The following MED12L variants were observed in gnomAD, a reference collection of about 807,000 sequenced individuals.
MED12L encodes mediator complex subunit 12L.
MED12L carries 60 observed loss-of-function variants against 281.3 expected under a neutral mutation model. The observed-to-expected ratio is 0.21, with a 90% CI of 0.17 to 0.26. MED12L has a LOEUF of 0.26. MED12L is among the 10% of genes least tolerant of loss of function. MED12L has a pLI of 1.00. For missense variants in MED12L, 2,146 were observed against 2,680.9 expected, an observed-to-expected ratio of 0.80 and a Z score of 4.41; for synonymous variants, 974 against 987.2, an observed-to-expected ratio of 0.99 and a Z score of 0.25.
chr3:151,410,813 G>A (rs1462009943), intron 40 of MED12L, among the ~76,000 whole-genome samples: 4 of 152,208 alleles, frequency 2.6e-5, no homozygotes, highest in African/African-American at 9.6e-5. Flanking sequence ...CTGAAGAGGT[G>A]TAGTCACATA....
intron 5 of MED12L, among the ~76,000 whole-genome samples, chr3:151,138,870 A>G (rs1403646204): frequency 6.6e-6 from 1 of 152,144 alleles, no homozygotes; most frequent in Non-Finnish European, 1.5e-5. Flanking sequence ...CTTTGGAAGG[A>G]AGTAATATGG....
intron 36 of MED12L, among the ~76,000 whole-genome samples, chr3:151,385,721 G>GAAA (rs34514758): frequency 1.7e-5 from 2 of 118,742 alleles, no homozygotes; most frequent in African/African-American, 2.6e-5. Flanking sequence ...TCTGGGGGGG[G>GAAA]AAAAAAAAAA....
intron 11 of MED12L, 78 bp from the exon 12 acceptor site, chr3:151,185,252 T>C (rs935374276): frequency 2.3e-5 from 33 of 1,440,634 alleles, no homozygotes; most frequent in Non-Finnish European, 2.9e-5. Context: ...TGTTAGATAT[T>C]CCCTTGCTTG....
chr3:151,418,619 G>A (rs1044386749), intron 43 of MED12L, among the ~76,000 whole-genome samples: 2 of 152,132 alleles, frequency 1.3e-5, no homozygotes, highest in Non-Finnish European at 2.9e-5. Flanking sequence ...TTCAGTGTAT[G>A]GCATTAGGAT....
At chr3:151,322,352 A>T (rs933014005) in intron 16 of MED12L, among the ~76,000 whole-genome samples, 3 of 149,878 alleles carry the variant, frequency 2.0e-5, no homozygotes, top group African/African-American at 7.4e-5. Flanking sequence ...GGCCCAGGTA[A>T]TTTTTTTTTT....
chr3:151,342,812 G>A (rs1355712274), intron 16 of MED12L, among the ~76,000 whole-genome samples: 4 of 152,168 alleles, frequency 2.6e-5, no homozygotes, highest in Non-Finnish European at 4.4e-5. Context: ...ATTTTAAAAA[G>A]AGCTTTTATG....
At chr3:151,367,351 C>T (rs547350061) in intron 23 of MED12L, among the ~76,000 whole-genome samples, 10 of 152,248 alleles carry the variant, frequency 6.6e-5, no homozygotes, top group Non-Finnish European at 1.2e-4. Flanking sequence ...GATGTTACAT[C>T]TTGTAGTGAT....
chr3:151,163,984 T>A lies in MED12L; in HGVS notation c.1199T>A (p.Leu400Gln), dbSNP rs1009599648. Reference protein sequence around the residue: ...SANPGSPLDLLQVAPSSLPMP... With the variant: ...SANPGSPLDLQQVAPSSLPMP... ...AACCCAGGCTCACCCCTGGATCTGC[T>A]GCAGGTGGCCCCGTCCAGCCTCCCC... The change falls in exon 9 of 45, where the codon CTG becomes CAG. Residue 400 changes from leucine (L) to glutamine (Q), a missense_variant. Leu to Gln is a moderately radical substitution (Grantham distance 113, BLOSUM62 -2). Transcript: ENST00000687756. 1.2e-6 allele frequency: 2 copies of A among 1,613,842 alleles called. No individual in the cohort carries two copies. Among genetic ancestry groups the A allele is most frequent in the Non-Finnish European group, 1.7e-6 (2 of 1,179,906 alleles).
chr3:151,304,699 C>T (rs1433290491), intron 16 of MED12L, among the ~76,000 whole-genome samples: 1 of 152,074 alleles, frequency 6.6e-6, no homozygotes, highest in Admixed American at 6.5e-5. Flanking sequence ...GAATTACAGC[C>T]CCAGCTCTGT....
At chr3:151,279,357 T>C (rs1290840167) in intron 16 of MED12L, among the ~76,000 whole-genome samples, 1 of 152,234 alleles carries the variant, frequency 6.6e-6, no homozygotes, top group Non-Finnish European at 1.5e-5. Context: ...CTAGTTGCTT[T>C]ATATGTACTT....
chr3:151,413,252 G>A lies in MED12L; in HGVS notation c.6254G>A (p.Arg2085Lys). 1.2e-6 allele frequency: 2 copies of A among 1,614,118 alleles called. No individual in the cohort carries two copies. The highest frequency in any genetic ancestry group is 1.7e-6 in the Non-Finnish European group (2 of 1,180,012). The part of the protein sequence containing the change: ...PSVPLPQDPM[R>K]PRQPQVRQQQ... ...GTGCCCCTGCCTCAGGATCCCATGA[G>A]ACCCAGACAGCCGCAAGTTCGACAG... is the stretch of plus-strand genomic sequence containing the variant. Residue 2085 changes from arginine (R) to lysine (K), a missense_variant, in exon 42 of 45, where the codon AGA becomes AAA. Physicochemically the swap from Arg to Lys is conservative, Grantham distance 26. Transcript: ENST00000687756.
At chr3:151,255,512 C>T (rs756355268) in intron 16 of MED12L, among the ~76,000 whole-genome samples, 35 of 152,042 alleles carry the variant, frequency 2.3e-4, no homozygotes, top group Non-Finnish European at 4.7e-4. Context: ...TTGGTTCTGC[C>T]ATGGCTGGGG....
chr3:151,176,934 T>C (rs2149035002), intron 11 of MED12L, among the ~76,000 whole-genome samples: 1 of 152,336 alleles, frequency 6.6e-6, no homozygotes, highest in South Asian at 2.1e-4. Context: ...TTTTACTCTT[T>C]GATTTAAAAA....
intron 16 of MED12L, among the ~76,000 whole-genome samples, chr3:151,259,584 C>A (rs1738481283): frequency 6.6e-6 from 1 of 152,146 alleles, no homozygotes; most frequent in Non-Finnish European, 1.5e-5. Context: ...TTTTCAAATA[C>A]TAAAAATTTT....
At chr3:151,230,840 A>C (rs563113651) in intron 16 of MED12L, among the ~76,000 whole-genome samples, 3 of 152,212 alleles carry the variant, frequency 2.0e-5, no homozygotes, top group Non-Finnish European at 2.9e-5. Flanking sequence ...GTGACTTCCC[A>C]CTGTCAGTGA....
chr3:151,136,051 C>T (rs895355783), intron 5 of MED12L, among the ~76,000 whole-genome samples: 1 of 152,240 alleles, frequency 6.6e-6, no homozygotes, highest in Non-Finnish European at 1.5e-5. Context: ...TAGTCATTTC[C>T]TCTGTGCCAC....
Position 151,113,868 on chromosome 3 carries a change from T to G in MED12L, c.100-2470T>G, listed in dbSNP as rs553837310. On this transcript the variant is annotated intron_variant, in intron 2 of 44. Transcript: ENST00000687756. ...GCAGCTATCTGATCTGGTGTTAGTTTAAAGTAAAAACTGAAGCAATACTAA... is the reference window on the plus strand; with the variant it reads ...GCAGCTATCTGATCTGGTGTTAGTTGAAAGTAAAAACTGAAGCAATACTAA... Among the ~76,000 whole-genome samples, 14 of 152,352 alleles carry G rather than the reference T, an allele frequency of 9.2e-5. No homozygotes were observed. In the South Asian group the frequency reaches 2.9e-3, roughly 32 times the overall value.
At chr3:151,143,710 G>A (rs139969333) in intron 5 of MED12L, among the ~76,000 whole-genome samples, 92 of 152,182 alleles carry the variant, frequency 6.0e-4, no homozygotes, top group Non-Finnish European at 1.1e-3. Context: ...CCTGGCCAGA[G>A]GAGTGCACAG....
chr3:151,189,355 TAGGG>T (rs1041944794), intron 13 of MED12L, among the ~76,000 whole-genome samples: 1 of 151,962 alleles, frequency 6.6e-6, no homozygotes, highest in African/African-American at 2.4e-5. Context: ...GGTTGGAACA[TAGGG>T]AGGAGTAATT....
Sources: allele counts gnomAD v4.1 joint callset (sites outside exome capture counted in the v4.1 genomes callset), GRCh38; gene constraint gnomAD v4.1.1; transcripts MANE v1.5; gene names NCBI Gene and HGNC (gene_info 2026-07-23, HGNC 2026-07-21).